MEOX2: variants seen among roughly 807,000 people sequenced by gnomAD.
MEOX2 encodes mesenchyme homeobox 2.
MEOX2 carries 11 observed loss-of-function variants against 27.0 expected under a neutral mutation model. That is an observed-to-expected ratio of 0.41 (90% CI 0.26 to 0.68). MEOX2 has a LOEUF of 0.68. Ranked by LOEUF, MEOX2 falls within the 30% of genes least tolerant of loss-of-function variation. The pLI is 0.33. For synonymous variants in MEOX2, 189 were observed against 155.4 expected (o/e 1.22, Z -1.61); for missense variants, 436 against 385.4 (o/e 1.13, Z -1.10).
At chr7:15,647,465 T>C (rs888556665) in intron 1 of MEOX2, among the ~76,000 whole-genome samples, 1 of 152,036 alleles carries the variant, frequency 6.6e-6, no homozygotes, top group African/African-American at 2.4e-5. Flanking sequence ...TATGCAAGAG[T>C]CTACTTTGAT....
chr7:15,617,300 A>G (rs1781138944), intron 2 of MEOX2, among the ~76,000 whole-genome samples: 1 of 152,092 alleles, frequency 6.6e-6, no homozygotes, highest in Non-Finnish European at 1.5e-5. Context: ...TGTCTAACAA[A>G]TATTTATTTA....
intron 2 of MEOX2, among the ~76,000 whole-genome samples, chr7:15,619,992 G>A (rs1222923851): frequency 6.6e-6 from 1 of 151,896 alleles, no homozygotes. Flanking sequence ...TTTTTGTGTG[G>A]AAGCTGAAGT....
chr7:15,666,613 G>A (rs796688382), intron 1 of MEOX2, among the ~76,000 whole-genome samples: 8 of 151,440 alleles, frequency 5.3e-5, no homozygotes, highest in African/African-American at 9.7e-5. Context: ...TTAGCCGGGC[G>A]TTGTGGTATG....
At position 15,686,609 on chromosome 7, in the gene MEOX2, C is replaced by T. The variant is rs573318620; in HGVS notation, c.-207G>A. ...ATATGAACAGTCGGACCTGGAAGAG[C>T]TTCCCTGAGCTACTCAGATGTCAAG... On this transcript the variant is annotated 5_prime_UTR_variant, in exon 1 of 3. Transcript: ENST00000262041. 163 of 585,990 alleles carry T rather than the reference C, an allele frequency of 2.8e-4. 1 individual carries two copies. The highest frequency in any genetic ancestry group is 4.7e-4 in the Non-Finnish European group (157 of 331,546). 36.3% of individuals were successfully genotyped at this position (585,990 alleles called of 1,614,324 possible).
At chr7:15,649,844 T>A (rs1781709219) in intron 1 of MEOX2, among the ~76,000 whole-genome samples, 1 of 152,048 alleles carries the variant, frequency 6.6e-6, no homozygotes, top group South Asian at 2.1e-4. Context: ...TGATAAGCCA[T>A]CAGGAACTCA....
chr7:15,633,978 T>C (rs557841789), intron 1 of MEOX2, among the ~76,000 whole-genome samples: 1 of 152,088 alleles, frequency 6.6e-6, no homozygotes, highest in East Asian at 1.9e-4. Context: ...GTATCATTTA[T>C]TATTGCTTTC....
intron 1 of MEOX2, among the ~76,000 whole-genome samples, chr7:15,644,331 A>T (rs1344042317): frequency 1.3e-5 from 2 of 152,178 alleles, no homozygotes; most frequent in African/African-American, 4.8e-5. Flanking sequence ...TGTAGCTAGG[A>T]TCTCAGAGTT....
At chr7:15,657,593 C>T (rs181386801) in intron 1 of MEOX2, among the ~76,000 whole-genome samples, 95 of 152,180 alleles carry the variant, frequency 6.2e-4, no homozygotes, top group Non-Finnish European at 1.8e-4. Context: ...CTGAGATGTT[C>T]TATTTTTTCA....
At chr7:15,630,480 G>A (rs370413931) in intron 1 of MEOX2, among the ~76,000 whole-genome samples, 6 of 152,016 alleles carry the variant, frequency 3.9e-5, no homozygotes, top group Non-Finnish European at 8.8e-5. Context: ...TGGCTACTCT[G>A]GGTAAACGTA....
At chr7:15,644,080 G>A (rs1781604888) in intron 1 of MEOX2, among the ~76,000 whole-genome samples, 1 of 152,152 alleles carries the variant, frequency 6.6e-6, no homozygotes, top group African/African-American at 2.4e-5. Flanking sequence ...ACCTGTCTTG[G>A]GTGCATGAGA....
chr7:15,681,310 T>C (rs184779339), intron 1 of MEOX2: 1 of 151,746 alleles, frequency 6.6e-6, no homozygotes, highest in Non-Finnish European at 1.5e-5. Context: ...TAAAAAACCT[T>C]CATATTAGGT....
chr7:15,630,126 G>C (rs1385113988), intron 1 of MEOX2, among the ~76,000 whole-genome samples: 1 of 151,990 alleles, frequency 6.6e-6, no homozygotes, highest in Non-Finnish European at 1.5e-5. Context: ...TAATGCACCT[G>C]TGGGTCCATT....
chr7:15,643,273 G>T (rs2282935), intron 1 of MEOX2, among the ~76,000 whole-genome samples: 89,709 of 151,810 alleles, frequency 0.59, 27,681 homozygotes, highest in East Asian at 0.76. Flanking sequence ...GTGAAGGGTG[G>T]GGCTGGGGCT....
intron 1 of MEOX2, among the ~76,000 whole-genome samples, chr7:15,636,033 A>G (rs1439522560): frequency 6.6e-6 from 1 of 152,002 alleles, no homozygotes; most frequent in East Asian, 1.9e-4. Flanking sequence ...CTTCTCTTTT[A>G]GAGTCCTGTC....
intron 2 of MEOX2, among the ~76,000 whole-genome samples, chr7:15,623,723 T>C (rs1198376328): frequency 6.6e-6 from 1 of 152,220 alleles, no homozygotes; most frequent in African/African-American, 2.4e-5. Flanking sequence ...TTAAGAAACT[T>C]AAGATAATAT....
At chr7:15,654,911 A>C (rs1001374229) in intron 1 of MEOX2, among the ~76,000 whole-genome samples, 1 of 151,760 alleles carries the variant, frequency 6.6e-6, no homozygotes, top group Non-Finnish European at 1.5e-5. Context: ...AGTAAATTGG[A>C]AAGTACTCTC....
chr7:15,620,145 C>G (rs903479972), intron 2 of MEOX2, among the ~76,000 whole-genome samples: 29 of 152,080 alleles, frequency 1.9e-4, no homozygotes, highest in Non-Finnish European at 3.2e-4. Context: ...TTACCCTTTA[C>G]TCTCCCCATT....
At chr7:15,626,352 A>T in intron 2 of MEOX2, among the ~76,000 whole-genome samples, 1 of 152,206 alleles carries the variant, frequency 6.6e-6, no homozygotes, top group South Asian at 2.1e-4. Context: ...ACTGCAACTT[A>T]TCATGACCTA....
intron 1 of MEOX2, among the ~76,000 whole-genome samples, chr7:15,637,066 C>G (rs1712434311): frequency 1.3e-5 from 2 of 152,034 alleles, no homozygotes; most frequent in Admixed American, 6.6e-5. Context: ...ATTTTAGAGA[C>G]TAACTTTAAT....
Sources: gnomAD v4.1 joint callset for allele counts (sites outside exome capture counted in the v4.1 genomes callset) on GRCh38, gnomAD v4.1.1 for gene constraint, MANE v1.5 for transcripts, NCBI Gene and HGNC (gene_info 2026-07-23, HGNC 2026-07-21) for gene names.